Variants in CSPG5 observed in about 807,000 individuals in gnomAD.
CSPG5 encodes chondroitin sulfate proteoglycan 5.
A neutral mutation model predicts 39.8 loss-of-function variants in CSPG5; 25 were observed. That is an observed-to-expected ratio of 0.63 (90% CI 0.46 to 0.88). The LOEUF is 0.88. Ranked by LOEUF, CSPG5 falls within the 40% of genes least tolerant of loss-of-function variation. The probability of loss-of-function intolerance (pLI) is 0.00; values close to 1 mark genes in which losing one functional copy is unlikely to be tolerated. For synonymous variants in CSPG5, 295 were observed against 303.9 expected (o/e 0.97, Z 0.31); for missense variants, 627 against 702.2 (o/e 0.89, Z 1.21).
chr3:47,579,766 A>C (rs1559617309), upstream of CSPG5: 1 of 152,160 alleles, frequency 6.6e-6, no homozygotes, highest in Non-Finnish European at 1.5e-5. This position sits in a 1 kb window ranked among gnomAD's most constrained non-coding sequence, Gnocchi z 4.2. Flanking sequence ...TCACAGCTTC[A>C]GGGCTCACAG....
At chr3:47,569,387 C>T (rs991717806) in intron 3 of CSPG5, among the ~76,000 whole-genome samples, 160 bp from the exon 4 acceptor site, 6 of 151,574 alleles carry the variant, frequency 4.0e-5, no homozygotes, top group Admixed American at 6.6e-5. Context: ...GCAGATCACT[C>T]GAGGTCAGGA....
chr3:47,572,302 G>A lies in CSPG5; in HGVS notation c.1382+384C>T, dbSNP rs1283865563. 6.6e-6 allele frequency among the ~76,000 whole-genome samples: 1 copy of A among 152,208 alleles called. No homozygotes were observed. On this transcript the variant is annotated intron_variant, in intron 3 of 4. Coordinates refer to ENST00000264723, the MANE Select transcript of CSPG5 (RefSeq NM_006574.4). The surrounding 1 kb of genome is among the most constrained non-coding windows in gnomAD (Gnocchi z 4.5). ...TTATGAATGAAATCTCGCACTGGCC[G>A]CTGGCTGTCACAGTCCAGGGAAGAA... is the stretch of plus-strand genomic sequence containing the variant.
chr3:47,573,610 T>C (rs1315936053), intron 2 of CSPG5, among the ~76,000 whole-genome samples: 4 of 152,108 alleles, frequency 2.6e-5, no homozygotes, highest in Non-Finnish European at 5.9e-5. Flanking sequence ...TCCAATGACA[T>C]TGCTGTTTCC....
rs571121251 is a variant in CSPG5, at chr3:47,569,934, G to A, written c.1383-707C>T. ...AGGTAATTTTTGTATTTTTTGTAGA[G>A]ATGGGGTTTGACCATGTTGCCCAGG... On this transcript the variant is annotated intron_variant, in intron 3 of 4. Coordinates refer to ENST00000264723, the MANE Select transcript of CSPG5 (RefSeq NM_006574.4). Among the ~76,000 whole-genome samples, 16 of 152,000 alleles carry A rather than the reference G, an allele frequency of 1.1e-4. No homozygotes were observed. The South Asian group carries it at 2.5e-3, about 24-fold the overall frequency.
intron 3 of CSPG5, 39 bp from the exon 4 acceptor site, chr3:47,569,266 A>T: frequency 6.3e-7 from 1 of 1,596,588 alleles, no homozygotes. Context: ...ATGTAAGTGA[A>T]ATAATCACGG....
chr3:47,564,297 G>C (rs2031205330), intron 4 of CSPG5, among the ~76,000 whole-genome samples: 1 of 152,176 alleles, frequency 6.6e-6, no homozygotes, highest in African/African-American at 2.4e-5. Flanking sequence ...GGAGTGATGA[G>C]TTGGAAAGAA....
chr3:47,576,729 G>A, intron 2 of CSPG5, 104 bp downstream of exon 2: 1 of 1,313,924 alleles, frequency 7.6e-7, no homozygotes, highest in Non-Finnish European at 1.0e-6. Flanking sequence ...CAAAGTGCTG[G>A]GATTACAGGC....
At chr3:47,565,935 G>A (rs1249086966) in intron 4 of CSPG5, among the ~76,000 whole-genome samples, 1 of 152,140 alleles carries the variant, frequency 6.6e-6, no homozygotes, top group Non-Finnish European at 1.5e-5. Context: ...TTCAAGGCTG[G>A]TTGCTCAGCT....
chr3:47,574,606 T>C (rs539821704), intron 2 of CSPG5, among the ~76,000 whole-genome samples: 2 of 152,306 alleles, frequency 1.3e-5, no homozygotes, highest in East Asian at 3.9e-4. Context: ...AACTGTGTGG[T>C]CACATCCTAT....
chr3:47,574,103 T>C (rs2031621163), intron 2 of CSPG5, among the ~76,000 whole-genome samples: 1 of 152,112 alleles, frequency 6.6e-6, no homozygotes, highest in Non-Finnish European at 1.5e-5. Context: ...CCGAATGTGA[T>C]CCTGGGATGG....
At chr3:47,570,334 G>A (rs754248456) in intron 3 of CSPG5, among the ~76,000 whole-genome samples, 2 of 151,364 alleles carry the variant, frequency 1.3e-5, no homozygotes, top group African/African-American at 2.4e-5. Context: ...GAACCCTTGG[G>A]CTCAGGTGGT....
At position 47,578,675 on chromosome 3, in the gene CSPG5, C is replaced by G. The variant is rs917880653; in HGVS notation, c.19G>C (p.Gly7Arg). 7.5e-6 allele frequency: 8 copies of G among 1,072,000 alleles called. No homozygotes were observed. Among genetic ancestry groups the G allele is most frequent in the Middle Eastern group, 3.9e-4 (1 of 2,538 alleles). 66.4% of individuals were successfully genotyped at this position (1,072,000 alleles called of 1,614,324 possible). MGRAGG[G>R]GPGRGPPPLL... ...GGCGGCGGCCCCCGGCCCGGGCCCC[C>G]GCCCCCGGCTCGCCCCATGGCGCGG... Residue 7 changes from glycine to arginine, a missense_variant, in exon 1 of 5, where the codon GGG (glycine) becomes CGG (arginine). Coordinates refer to ENST00000264723, the MANE Select transcript of CSPG5 (RefSeq NM_006574.4). This position sits in a 1 kb window ranked among gnomAD's most constrained non-coding sequence, Gnocchi z 6.0.
chr3:47,577,923 C>G lies in CSPG5; in HGVS notation c.103G>C (p.Glu35Gln). The G allele has an allele frequency of 4.9e-6, 7 of 1,435,598 alleles. No individual in the cohort carries two copies. Among genetic ancestry groups the G allele is most frequent in the Non-Finnish European group, 6.3e-6 (7 of 1,108,192 alleles). The allele number at this position is 1,435,598 out of a possible 1,614,324, so 88.9% of individuals were successfully genotyped here. A position where few individuals can be genotyped will look rare whatever the true frequency, so the allele number is the denominator to read the frequency against. ...VLASGAVPAR[E>Q]AGSAVEAEEL... ...TCGGCCTCAACCGCGCTGCCCGCCT[C>G]ACGCGCTGCGGGCGGGAGGGCAAGG... is the stretch of plus-strand genomic sequence containing the variant. Residue 35 changes from glutamate to glutamine, a missense_variant, in exon 2 of 5, where the codon GAG becomes CAG. Physicochemically the swap from Glu to Gln is conservative, Grantham distance 29. Transcript: ENST00000264723. The surrounding 1 kb of genome is among the most constrained non-coding windows in gnomAD (Gnocchi z 4.7).
In CSPG5 at chr3:47,562,394, C is replaced by T; in HGVS notation, c.*206G>A. On this transcript the variant is annotated 3_prime_UTR_variant, in exon 5 of 5. Transcript: ENST00000264723. The stretch of plus-strand genomic sequence containing the variant: ...TACAGACAGCACAGAAAAAACAACC[C>T]AATGTATGCAATTCTGTTCAGTTTC... 2.3e-6 allele frequency: 1 copy of T among 439,752 alleles called. No homozygotes were observed. The highest frequency in any genetic ancestry group is 3.9e-6 in the Non-Finnish European group (1 of 254,498). The allele number at this position is 439,752 out of a possible 1,614,324, so 27.2% of individuals were successfully genotyped here.
At chr3:47,564,634 C>A (rs1246012823) in intron 4 of CSPG5, among the ~76,000 whole-genome samples, 2 of 152,102 alleles carry the variant, frequency 1.3e-5, no homozygotes, top group Non-Finnish European at 2.9e-5. Context: ...TGCTTAGAAT[C>A]ACAAAACACT....
intron 3 of CSPG5, among the ~76,000 whole-genome samples, chr3:47,571,192 T>G (rs372676357): frequency 6.6e-6 from 1 of 151,892 alleles, no homozygotes; most frequent in East Asian, 1.9e-4. Context: ...AATAAATAAA[T>G]TATGGCAGTA....
Position 47,576,461 on chromosome 3 carries a change from G to GTT in CSPG5, c.1193+370_1193+371dup, listed in dbSNP as rs397769662. On this transcript the variant is annotated intron_variant, in intron 2 of 4. Coordinates refer to ENST00000264723, the MANE Select transcript of CSPG5 (RefSeq NM_006574.4). Reference sequence around the variant, plus strand: ...GTCACGCTGCCCTCTGTTTTGTTTTGTTTTTTTTTTTTTTTGAGATGGAGT... The same window carrying GTT: ...GTCACGCTGCCCTCTGTTTTGTTTTGTTTTTTTTTTTTTTTTTGAGATGGAGT... Among the ~76,000 whole-genome samples the GTT allele has an allele frequency of 2.2e-3, 292 of 135,270 alleles. 2 individuals are homozygous for GTT. Among genetic ancestry groups the GTT allele is most frequent in the South Asian group, 7.6e-3 (32 of 4,188 alleles). The allele number at this position is 135,270 out of a possible 152,430, so 88.7% of individuals were successfully genotyped here.
intron 4 of CSPG5, among the ~76,000 whole-genome samples, chr3:47,568,484 AT>A (rs1486995006): frequency 6.6e-6 from 1 of 152,202 alleles, no homozygotes; most frequent in Non-Finnish European, 1.5e-5. Flanking sequence ...AGTGTTTTGT[AT>A]TTGGGCCTTG....
chr3:47,576,816 G>T lies in CSPG5; in HGVS notation c.1193+17C>A. 2.0e-6 allele frequency: 3 copies of T among 1,535,760 alleles called. No individual in the cohort carries two copies. Among genetic ancestry groups the T allele is most frequent in the Non-Finnish European group, 2.6e-6 (3 of 1,140,978 alleles). ...CACTCTTCAGTGTCCCTATGCACCT[G>T]CCTGCCATGCCCTTACCTGCAGAAG... is the stretch of plus-strand genomic sequence containing the variant. On this transcript the variant is annotated intron_variant, in intron 2 of 4. Coordinates refer to ENST00000264723, the MANE Select transcript of CSPG5 (RefSeq NM_006574.4).
Sources: gnomAD v4.1 joint callset for allele counts (sites outside exome capture counted in the v4.1 genomes callset) on GRCh38, gnomAD v4.1.1 for gene constraint, Gnocchi (gnomAD v3.1) non-coding constraint, MANE v1.5 for transcripts, NCBI Gene and HGNC (gene_info 2026-07-23, HGNC 2026-07-21) for gene names.